The following MBNL2 variants were observed in gnomAD, a reference collection of about 807,000 sequenced individuals.
MBNL2 encodes muscleblind-like protein 2.
MBNL2 carries 17 observed loss-of-function variants against 41.9 expected under a neutral mutation model. The observed-to-expected ratio is 0.41, with a 90% CI of 0.28 to 0.61. The LOEUF (loss-of-function observed/expected upper bound fraction) is 0.61, where lower values mean the gene tolerates loss of function less well. Among genes scored for constraint, MBNL2 ranks in the 20% least tolerant of loss-of-function variants. MBNL2 has a pLI of 0.35. For missense variants in MBNL2, 336 were observed against 505.6 expected (o/e 0.66, Z 3.22); for synonymous variants, 195 against 182.9 (o/e 1.07, Z -0.53).
chr13:97,226,074 A>G (rs1037441751), intron 1 of MBNL2, among the ~76,000 whole-genome samples: 2 of 152,002 alleles, frequency 1.3e-5, no homozygotes, highest in Admixed American at 1.3e-4. Context: ...AGCCGTGATA[A>G]TATTCGTAGT....
the MBNL2 span, among the ~76,000 whole-genome samples, chr13:97,158,903 C>T: frequency 2.0e-5 from 3 of 151,326 alleles, no homozygotes; most frequent in Non-Finnish European, 1.5e-5. Flanking sequence ...CTGTAGATGT[C>T]TATTAGGTCC....
At chr13:97,210,570 AATTTTTTTTTTTTTTTTTTTTTTTTT>A in the MBNL2 span, among the ~76,000 whole-genome samples, 8 of 122,862 alleles carry the variant, frequency 6.5e-5, no homozygotes, top group Admixed American at 3.6e-4. Context: ...TACAACTGTG[AATTTTTTTTTTTTTTTTTTTTTTTTT>A]TTTTTTTTTT....
intron 8 of MBNL2, among the ~76,000 whole-genome samples, chr13:97,374,414 T>C (rs193207801): frequency 6.6e-6 from 1 of 151,984 alleles, no homozygotes; most frequent in Non-Finnish European, 1.5e-5. Flanking sequence ...CCCAAAGTGC[T>C]GGGATTACAG....
At chr13:97,251,039 G>C (rs909511953) in intron 1 of MBNL2, among the ~76,000 whole-genome samples, 1 of 151,816 alleles carries the variant, frequency 6.6e-6, no homozygotes, top group South Asian at 2.1e-4. Context: ...ACTCTTGTAC[G>C]GTCAGTTTTG....
intron 3 of MBNL2, among the ~76,000 whole-genome samples, chr13:97,342,081 A>G (rs1159270614): frequency 6.6e-6 from 1 of 152,256 alleles, no homozygotes; most frequent in Non-Finnish European, 1.5e-5. Flanking sequence ...TTTGGTGTAC[A>G]ATTTATTCTA....
rs1386802483 is a variant in MBNL2, at chr13:97,346,702, T to C, written c.541-102T>C. 12 of 869,616 alleles carry C rather than the reference T, an allele frequency of 1.4e-5. No individual in the cohort carries two copies. The highest frequency in any genetic ancestry group is 2.1e-5 in the Non-Finnish European group (12 of 560,880). 53.9% of individuals were successfully genotyped at this position (869,616 alleles called of 1,614,324 possible). A position where few individuals can be genotyped will look rare whatever the true frequency, so the allele number is the denominator to read the frequency against. ...CTTGTCAGTGGTACATGAGCCACCA[T>C]TGAAAGCGAGGCAGCCTCCGCTCCT... On this transcript the variant is annotated intron_variant, in intron 4 of 8. Coordinates refer to ENST00000679496, the MANE Select transcript of MBNL2 (RefSeq NM_001382683.1). This position sits in a 1 kb window ranked among gnomAD's most constrained non-coding sequence, Gnocchi z 4.2.
chr13:97,218,430 C>CAAAAAAAAAAAAAAAAAAAAAAAAAAA (rs746110575), upstream of MBNL2, among the ~76,000 whole-genome samples: 2 of 69,056 alleles, frequency 2.9e-5, no homozygotes, highest in Admixed American at 1.3e-4. Flanking sequence ...AAAAACAAAA[C>CAAAAAAAAAAAAAAAAAAAAAAAAAAA]AAAACAAAAC....
intron 8 of MBNL2, among the ~76,000 whole-genome samples, chr13:97,372,914 A>G (rs2064525672): frequency 6.6e-6 from 1 of 152,204 alleles, no homozygotes; most frequent in African/African-American, 2.4e-5. Flanking sequence ...CTATATTCAG[A>G]CAAATGTAGG....
chr13:97,332,521 G>A (rs1389076909), intron 2 of MBNL2, among the ~76,000 whole-genome samples: 1 of 152,226 alleles, frequency 6.6e-6, no homozygotes, highest in Non-Finnish European at 1.5e-5. Context: ...GAAGCAAGTT[G>A]ACAGGGCTGG....
At position 97,300,571 on chromosome 13, in the gene MBNL2, C is replaced by T. The variant is rs1450051785; in HGVS notation, c.174+24162C>T. On this transcript the variant is annotated intron_variant, in intron 2 of 8. Transcript: ENST00000679496. ...AGGAGGCGGAGCTCAGGCGGTAATG[C>T]TTGTCAACCTTCTGTCTAACTCAGA... Among the ~76,000 whole-genome samples the T allele has an allele frequency of 2.0e-5, 3 of 152,152 alleles. No individual in the cohort carries two copies. In the East Asian group the frequency reaches 5.8e-4, roughly 29 times the overall value.
the MBNL2 span, among the ~76,000 whole-genome samples, chr13:97,169,539 C>T: frequency 6.6e-6 from 1 of 152,194 alleles, no homozygotes; most frequent in Non-Finnish European, 1.5e-5. Flanking sequence ...TCTGAGAAAA[C>T]TCAAGCTGGC....
intron 1 of MBNL2, among the ~76,000 whole-genome samples, chr13:97,255,927 G>T (rs958607487): frequency 2.0e-5 from 3 of 152,338 alleles, no homozygotes; most frequent in East Asian, 3.9e-4. Flanking sequence ...GATCGTTTAG[G>T]AATGGATATG....
In MBNL2 at chr13:97,356,788, A is replaced by G; in HGVS notation, c.805-8A>G. 1 of 1,362,050 alleles carries G rather than the reference A, an allele frequency of 7.3e-7. No homozygotes were observed. The highest frequency in any genetic ancestry group is 1.5e-5 in the African/African-American group (1 of 67,730). 84.4% of individuals were successfully genotyped at this position (1,362,050 alleles called of 1,614,324 possible). ...TGCCATCATGTGCTCGCTGCCTGTT[A>G]TTAAAAGACTCAGTCGACTGCCAAA... On this transcript the variant is annotated splice_region_variant and splice_polypyrimidine_tract_variant and intron_variant, in intron 5 of 8. Coordinates refer to ENST00000679496, the MANE Select transcript of MBNL2 (RefSeq NM_001382683.1).
chr13:97,279,915 C>G (rs2053009196), intron 2 of MBNL2, among the ~76,000 whole-genome samples: 1 of 152,128 alleles, frequency 6.6e-6, no homozygotes, highest in African/African-American at 2.4e-5. Flanking sequence ...GAAATTTGTG[C>G]ATTATTCACA....
At chr13:97,288,182 T>C (rs917413359) in intron 2 of MBNL2, among the ~76,000 whole-genome samples, 3 of 152,104 alleles carry the variant, frequency 2.0e-5, no homozygotes, top group Non-Finnish European at 4.4e-5. Context: ...CTCTGTCAGT[T>C]TCTCTCTCTT....
chr13:97,322,868 A>G (rs1403684319), intron 2 of MBNL2, among the ~76,000 whole-genome samples: 2 of 152,232 alleles, frequency 1.3e-5, no homozygotes, highest in Non-Finnish European at 2.9e-5. Context: ...TTTTACCATA[A>G]GTAACCTCCC....
chr13:97,269,933 A>G (rs1048672976), intron 1 of MBNL2, among the ~76,000 whole-genome samples: 1 of 152,236 alleles, frequency 6.6e-6, no homozygotes, highest in African/African-American at 2.4e-5. Context: ...ACAGATTGGT[A>G]TAGTAACTTT....
chr13:97,204,355 G>A, the MBNL2 span, among the ~76,000 whole-genome samples: 1 of 152,180 alleles, frequency 6.6e-6, no homozygotes. Flanking sequence ...GCCTTGGTCA[G>A]TTATTAAATA....
At chr13:97,245,834 T>A (rs2045350050) in intron 1 of MBNL2, among the ~76,000 whole-genome samples, 2 of 152,188 alleles carry the variant, frequency 1.3e-5, no homozygotes, top group Non-Finnish European at 2.9e-5. Flanking sequence ...CTGAAACAAA[T>A]CTGAAATTCA....
Sources: gnomAD v4.1 joint callset for allele counts (sites outside exome capture counted in the v4.1 genomes callset) on GRCh38, gnomAD v4.1.1 for gene constraint, Gnocchi (gnomAD v3.1) non-coding constraint, MANE v1.5 for transcripts, NCBI Gene and HGNC (gene_info 2026-07-23, HGNC 2026-07-21) for gene names.